The following ATP10D variants were observed in gnomAD, a reference collection of about 807,000 sequenced individuals.
ATP10D encodes the protein ATPase phospholipid transporting 10D (putative).
A neutral mutation model predicts 144.8 loss-of-function variants in ATP10D; 89 were observed. That is an observed-to-expected ratio of 0.61 (90% CI 0.52 to 0.73). The LOEUF is 0.73. Among genes scored for constraint, ATP10D ranks in the 30% least tolerant of loss-of-function variants. The pLI is 0.00. For missense variants in ATP10D, 1,603 were observed against 1,714.8 expected (o/e 0.93, Z 1.15); for synonymous variants, 571 against 615.1 (o/e 0.93, Z 1.06).
intron 16 of ATP10D, among the ~76,000 whole-genome samples, chr4:47,571,642 C>G (rs1021576472): frequency 6.6e-6 from 1 of 152,004 alleles, no homozygotes; most frequent in Non-Finnish European, 1.5e-5. Context: ...TGGGGGAGAC[C>G]AGTAAGTCTG....
intron 1 of ATP10D, 25 bp from the exon 2 acceptor site, chr4:47,512,479 A>G (rs1716387623): frequency 7.7e-6 from 11 of 1,432,256 alleles, no homozygotes; most frequent in Non-Finnish European, 1.1e-5. Context: ...AGCTCATGGA[A>G]GTGTGGTTTT....
chr4:47,536,783 T>C lies in ATP10D; in HGVS notation c.1241T>C (p.Met414Thr), dbSNP rs2109424620. 6.2e-7 allele frequency: 1 copy of C among 1,613,180 alleles called. No homozygotes were observed. The highest frequency in any genetic ancestry group is 8.5e-7 in the Non-Finnish European group (1 of 1,179,590). Residue 414 changes from methionine (M) to threonine (T), a missense_variant, in exon 9 of 23, where the codon ATG becomes ACG. Physicochemically the swap from Met to Thr is moderately conservative, Grantham distance 81 (BLOSUM62 -1). Transcript: ENST00000273859. ...QSDVDFYNEK[M>T]DSIVQCRALN... ...GATGTGGATTTCTACAATGAAAAAA[T>C]GGATTCTATTGTTCAGTGCCGAGCC...
chr4:47,491,213 G>T (rs1715059914), intron 1 of ATP10D: 2 of 758,174 alleles, frequency 2.6e-6, no homozygotes, highest in South Asian at 2.7e-5. Context: ...CTCTTGGCAA[G>T]AATCTTGCCC....
In ATP10D at chr4:47,537,533, A is replaced by G. The variant is rs116582524; in HGVS notation, c.1396+595A>G. 7.8e-3 allele frequency among the ~76,000 whole-genome samples: 1,181 copies of G among 152,298 alleles called. 18 individuals are homozygous for G. Among genetic ancestry groups the G allele is most frequent in the African/African-American group, 0.026 (1,100 of 41,572 alleles). ...ACAAATTAAAAGCCCTACTCTCCCA[A>G]GGTTAACCACCATTAACAATTTGGT... On this transcript the variant is annotated intron_variant, in intron 9 of 22. Transcript: ENST00000273859.
At chr4:47,498,544 A>G (rs1026326890) in intron 1 of ATP10D, among the ~76,000 whole-genome samples, 5 of 152,336 alleles carry the variant, frequency 3.3e-5, no homozygotes, top group African/African-American at 7.2e-5. Flanking sequence ...TTAACCAAGT[A>G]TATCTCCAGC....
At position 47,557,816 on chromosome 4, in the gene ATP10D, A is replaced by G; in HGVS notation, c.1977A>G (p.Arg659=). The stretch of plus-strand genomic sequence containing the variant: ...GAGTTCCAAACGCCTTTGTGAGCAG[A>G]CTCCCTCTCTTTAGTCGAATGAAAC... ...SSGVPNAFVS[R]LPLFSRMKPA... The change falls in exon 12 of 23, where the codon AGA becomes AGG. Residue 659 remains arginine (R), a synonymous_variant. Coordinates refer to ENST00000273859, the MANE Select transcript of ATP10D (RefSeq NM_020453.4). The G allele has an allele frequency of 6.2e-7, 1 of 1,614,022 alleles. No individual in the cohort carries two copies. The highest frequency in any genetic ancestry group is 8.5e-7 in the Non-Finnish European group (1 of 1,180,004).
intron 16 of ATP10D, 127 bp from the exon 17 acceptor site, chr4:47,572,027 A>G (rs1719977766): frequency 1.2e-6 from 1 of 835,356 alleles, no homozygotes; most frequent in Non-Finnish European, 2.0e-6. Context: ...ACTTCCAGGA[A>G]ACTTGGAGAA....
At position 47,515,891 on chromosome 4, in the gene ATP10D, C is replaced by A. The variant is rs180920154; in HGVS notation, c.485+221C>A. On this transcript the variant is annotated intron_variant, in intron 3 of 22. Transcript: ENST00000273859. ...AAGCCATTGTCAACCCAGGAGCCGACAAAGCAAAAGCTTCTGTAACTCATG... is the reference window on the plus strand; with the variant it reads ...AAGCCATTGTCAACCCAGGAGCCGAAAAAGCAAAAGCTTCTGTAACTCATG... Among the ~76,000 whole-genome samples the A allele has an allele frequency of 2.1e-3, 316 of 152,210 alleles. 1 individual carries two copies. The highest frequency in any genetic ancestry group is 2.5e-3 in the Non-Finnish European group (173 of 68,014).
At chr4:47,505,573 A>C (rs1715973702) in intron 1 of ATP10D, among the ~76,000 whole-genome samples, 1 of 152,070 alleles carries the variant, frequency 6.6e-6, no homozygotes, top group Non-Finnish European at 1.5e-5. Context: ...AAAATACAGG[A>C]AACAACAAAA....
At chr4:47,494,766 C>G (rs1715266773) in intron 1 of ATP10D, among the ~76,000 whole-genome samples, 1 of 152,072 alleles carries the variant, frequency 6.6e-6, no homozygotes, top group Admixed American at 6.6e-5. Context: ...GTATAACTGA[C>G]TTATTTTTGA....
At chr4:47,564,603 A>G (rs1719501679) in intron 15 of ATP10D, among the ~76,000 whole-genome samples, 1 of 152,156 alleles carries the variant, frequency 6.6e-6, no homozygotes, top group South Asian at 2.1e-4. Context: ...GAACTGTTTA[A>G]GGGAAGAGGA....
rs1415055125 is a variant in ATP10D, at chr4:47,587,106, A to T, written c.3841A>T (p.Asn1281Tyr). 1 of 1,614,060 alleles carries T rather than the reference A, an allele frequency of 6.2e-7. No homozygotes were observed. Among genetic ancestry groups the T allele is most frequent in the South Asian group, 1.1e-5 (1 of 91,086 alleles). The change falls in exon 22 of 23, where the codon AAC (asparagine) becomes TAC (tyrosine). Residue 1281 changes from asparagine (N) to tyrosine (Y), a missense_variant. Physicochemically the swap from Asn to Tyr is moderately radical, Grantham distance 143. Coordinates refer to ENST00000273859, the MANE Select transcript of ATP10D (RefSeq NM_020453.4). ...TTTTGGAGCCATGTGTGTAACTTGC[A>T]ACCCACCATCCAACCCTTACTGGAT... is the stretch of plus-strand genomic sequence containing the variant. ...IVFGAMCVTC[N>Y]PPSNPYWIMQ...
chr4:47,496,160 T>C (rs28645566), intron 1 of ATP10D, among the ~76,000 whole-genome samples: 27,032 of 101,236 alleles, frequency 0.27, 2,647 homozygotes, highest in South Asian at 0.41. Flanking sequence ...CTTTTTCTTT[T>C]TTTTTTTTTT....
chr4:47,590,984 G>GGA lies in ATP10D; in HGVS notation c.3942-57_3942-56insAG. The GGA allele has an allele frequency of 1.7e-6, 2 of 1,196,796 alleles. 1 individual carries two copies. The highest frequency in any genetic ancestry group is 3.5e-5 in the South Asian group (2 of 57,142). The allele number at this position is 1,196,796 out of a possible 1,614,324, so 74.1% of individuals were successfully genotyped here. On this transcript the variant is annotated intron_variant, in intron 22 of 22. Coordinates refer to ENST00000273859, the MANE Select transcript of ATP10D (RefSeq NM_020453.4). ...TTTAATTCGTTAGTATTTGGGGGGG[G>GGA]GGGTTCTGTAATGCATTTGAGATGA...
chr4:47,508,833 C>G (rs1469958678), intron 1 of ATP10D, among the ~76,000 whole-genome samples: 1 of 152,148 alleles, frequency 6.6e-6, no homozygotes, highest in African/African-American at 2.4e-5. Flanking sequence ...CACTCTGATA[C>G]AAAATAAGTC....
At position 47,592,686 on chromosome 4, in the gene ATP10D, A is replaced by G. The variant is rs374583248; in HGVS notation, c.*1305A>G. ...CTACATCAAGGTCTTCTTAATGACTATTATTCTCAGGGTTTAGTTTTCTAC... is the reference window on the plus strand; with the variant it reads ...CTACATCAAGGTCTTCTTAATGACTGTTATTCTCAGGGTTTAGTTTTCTAC... On this transcript the variant is annotated 3_prime_UTR_variant, in exon 23 of 23. Coordinates refer to ENST00000273859, the MANE Select transcript of ATP10D (RefSeq NM_020453.4). The G allele has an allele frequency of 1.3e-5, 2 of 152,482 alleles. No individual in the cohort carries two copies. The highest frequency in any genetic ancestry group is 1.5e-5 in the Non-Finnish European group (1 of 67,976). The allele number at this position is 152,482 out of a possible 1,614,324, so 9.4% of individuals were successfully genotyped here.
At chr4:47,533,518 G>A (rs917618675) in intron 5 of ATP10D, among the ~76,000 whole-genome samples, 3 of 151,980 alleles carry the variant, frequency 2.0e-5, no homozygotes, top group African/African-American at 4.8e-5. Context: ...ATTTCATATA[G>A]CAAGGTTATA....
chr4:47,525,865 C>A (rs555655372), intron 5 of ATP10D, among the ~76,000 whole-genome samples: 1 of 152,358 alleles, frequency 6.6e-6, no homozygotes, highest in East Asian at 1.9e-4. Flanking sequence ...CTTGTGGCAT[C>A]CATATCCCCT....
intron 5 of ATP10D, among the ~76,000 whole-genome samples, chr4:47,529,186 T>C (rs187007466): frequency 6.6e-4 from 101 of 152,318 alleles, no homozygotes; most frequent in Admixed American, 6.1e-3. Context: ...GCATTTGCTT[T>C]CGAAGTCTTA....
Sources: allele counts gnomAD v4.1 joint callset (sites outside exome capture counted in the v4.1 genomes callset), GRCh38; gene constraint gnomAD v4.1.1; transcripts MANE v1.5; gene names NCBI Gene and HGNC (gene_info 2026-07-23, HGNC 2026-07-21).